The following MAP7 variants were observed in gnomAD, a reference collection of about 807,000 sequenced individuals.
MAP7 encodes ensconsin.
In MAP7, 52 loss-of-function variants were observed where a neutral mutation model predicts 94.8. The observed-to-expected ratio is 0.55, with a 90% CI of 0.44 to 0.69. The LOEUF is 0.69. Among genes scored for constraint, MAP7 ranks in the 30% least tolerant of loss-of-function variants. The pLI is 0.00. For missense variants in MAP7, 940 were observed against 964.6 expected, an observed-to-expected ratio of 0.97 and a Z score of 0.34; for synonymous variants, 350 against 357.0, an observed-to-expected ratio of 0.98 and a Z score of 0.22.
At chr6:136,541,860 A>G (rs2129060394) in intron 1 of MAP7, among the ~76,000 whole-genome samples, 1 of 152,290 alleles carries the variant, frequency 6.6e-6, no homozygotes, top group Non-Finnish European at 1.5e-5. Flanking sequence ...GGAGTTCAAG[A>G]CAAGCCTGGC....
intron 8 of MAP7, among the ~76,000 whole-genome samples, chr6:136,367,810 C>T (rs571361185): frequency 2.6e-5 from 4 of 152,150 alleles, no homozygotes; most frequent in Non-Finnish European, 5.9e-5. Context: ...GCACTCCTGG[C>T]TGGTGTACAG....
intron 3 of MAP7, among the ~76,000 whole-genome samples, chr6:136,390,422 G>A (rs1026260486): frequency 1.3e-5 from 2 of 152,160 alleles, no homozygotes; most frequent in African/African-American, 4.8e-5. Context: ...GGAGGCTGAG[G>A]GGGGCAGATC....
intron 10 of MAP7, chr6:136,364,587 T>G (rs1343622322): frequency 9.9e-6 from 2 of 201,198 alleles, no homozygotes; most frequent in African/African-American, 4.8e-5. Context: ...GACTTGCTTC[T>G]ACTTAACAGA....
intron 1 of MAP7, among the ~76,000 whole-genome samples, chr6:136,532,924 C>T (rs1480853537): frequency 6.6e-6 from 1 of 152,226 alleles, no homozygotes; most frequent in African/African-American, 2.4e-5. Flanking sequence ...TAGAAGAGGG[C>T]CACACTACTC....
At chr6:136,543,896 A>C (rs1234749396) in intron 1 of MAP7, among the ~76,000 whole-genome samples, 1 of 152,082 alleles carries the variant, frequency 6.6e-6, no homozygotes, top group Non-Finnish European at 1.5e-5. Context: ...AAAAGAAAAT[A>C]AAAGAAAATC....
intron 3 of MAP7, among the ~76,000 whole-genome samples, chr6:136,393,679 C>T (rs375143516): frequency 9.2e-5 from 14 of 152,112 alleles, no homozygotes; most frequent in East Asian, 5.8e-4. Context: ...TCTGTCACCT[C>T]GGCTGGAGTG....
At chr6:136,543,030 A>C (rs998573664) in intron 1 of MAP7, among the ~76,000 whole-genome samples, 2 of 152,220 alleles carry the variant, frequency 1.3e-5, no homozygotes, top group African/African-American at 2.4e-5. Flanking sequence ...AAAACCGTAG[A>C]GTTGCTCTGG....
At chr6:136,544,244 T>C (rs1169851675) in intron 1 of MAP7, among the ~76,000 whole-genome samples, 2 of 152,174 alleles carry the variant, frequency 1.3e-5, no homozygotes, top group African/African-American at 4.8e-5. Context: ...TTAGAATAGA[T>C]TTTTTAAAAT....
rs1337344322 is a variant in MAP7 at position 136,344,075 on chromosome 6, T to C, written c.*153A>G. On this transcript the variant is annotated 3_prime_UTR_variant, in exon 18 of 18. Transcript: ENST00000354570. ...ATTATTAGAAAAGCTATCCAGTCTG[T>C]TGTCTTTAGCTAGTTTTAATAAATC... The C allele has an allele frequency of 1.8e-5, 7 of 382,764 alleles. No individual in the cohort carries two copies. Among genetic ancestry groups the C allele is most frequent in the Admixed American group, 4.6e-5 (1 of 21,602 alleles). 23.7% of individuals were successfully genotyped at this position (382,764 alleles called of 1,614,324 possible).
chr6:136,418,947 A>G (rs1450253767), intron 2 of MAP7, among the ~76,000 whole-genome samples: 1 of 140,410 alleles, frequency 7.1e-6, no homozygotes, highest in Non-Finnish European at 1.5e-5. Flanking sequence ...AGCTTGGCTT[A>G]TCTGTATATA....
At chr6:136,441,215 T>C (rs1183880813) in intron 1 of MAP7, among the ~76,000 whole-genome samples, 3 of 152,226 alleles carry the variant, frequency 2.0e-5, no homozygotes, top group Non-Finnish European at 4.4e-5. Flanking sequence ...CCCAGCAGCA[T>C]AAAATAAGCT....
intron 1 of MAP7, among the ~76,000 whole-genome samples, chr6:136,546,764 C>T (rs1394083119): frequency 6.6e-6 from 1 of 152,210 alleles, no homozygotes; most frequent in Non-Finnish European, 1.5e-5. Flanking sequence ...TCAATTCTTA[C>T]ATCAATACGA....
rs568488738 is a variant in MAP7, at chr6:136,344,813, GAGAAA to G, written c.2240-580_2240-576del. Among the ~76,000 whole-genome samples the G allele has an allele frequency of 1.9e-3, 284 of 152,300 alleles. 1 individual carries two copies. The highest frequency in any genetic ancestry group is 6.6e-3 in the African/African-American group (274 of 41,574). ...CACTTCCAAGGTCAGTACACTAGAG[GAGAAA>G]AGAAGAGTAGCTTCATTTGGATGGG... is the stretch of plus-strand genomic sequence containing the variant. On this transcript the variant is annotated intron_variant, in intron 17 of 17. Transcript: ENST00000354570.
At chr6:136,373,233 T>C (rs1279788916) in intron 7 of MAP7, among the ~76,000 whole-genome samples, 1 of 152,200 alleles carries the variant, frequency 6.6e-6, no homozygotes, top group Admixed American at 6.5e-5. Flanking sequence ...GGATAAGTAA[T>C]ACTTTTCCAG....
At chr6:136,482,107 T>G (rs1349379238) in intron 1 of MAP7, among the ~76,000 whole-genome samples, 1 of 152,156 alleles carries the variant, frequency 6.6e-6, no homozygotes, top group Admixed American at 6.5e-5. Context: ...AGGCTCTTAT[T>G]AAAACGTCAA....
chr6:136,409,756 G>T (rs970253757), intron 3 of MAP7, among the ~76,000 whole-genome samples: 1 of 152,082 alleles, frequency 6.6e-6, no homozygotes, highest in Non-Finnish European at 1.5e-5. Flanking sequence ...GTTGCTACTT[G>T]TTTATCTGCC....
intron 7 of MAP7, among the ~76,000 whole-genome samples, chr6:136,373,463 T>G (rs568268490): frequency 2.7e-4 from 41 of 152,288 alleles, no homozygotes; most frequent in African/African-American, 9.6e-4. Context: ...TTACTCAAGA[T>G]GGAATATTTT....
In MAP7 at chr6:136,360,685, A is replaced by C. The variant is rs375808506; in HGVS notation, c.1803+12T>G. ...GTTCGCGTCCCGGGCCTCTCTACTAAGACGCAGCTACCTTCTTTCTCTCCA... is the reference window on the plus strand; with the variant it reads ...GTTCGCGTCCCGGGCCTCTCTACTACGACGCAGCTACCTTCTTTCTCTCCA... On this transcript the variant is annotated intron_variant, in intron 13 of 17. Coordinates refer to ENST00000354570, the MANE Select transcript of MAP7 (RefSeq NM_003980.6). The C allele has an allele frequency of 1.4e-4, 232 of 1,613,550 alleles. No homozygotes were observed. The highest frequency in any genetic ancestry group is 7.0e-4 in the Admixed American group (42 of 59,992).
intron 1 of MAP7, among the ~76,000 whole-genome samples, chr6:136,450,748 C>T (rs922479772): frequency 6.6e-6 from 1 of 151,660 alleles, no homozygotes; most frequent in South Asian, 2.1e-4. Context: ...CACTCCATTG[C>T]ACTCCAACCT....
Sources: allele counts gnomAD v4.1 joint callset (sites outside exome capture counted in the v4.1 genomes callset), GRCh38; gene constraint gnomAD v4.1.1; transcripts MANE v1.5; gene names NCBI Gene and HGNC (gene_info 2026-07-23, HGNC 2026-07-21).